M1AP: variants seen among roughly 807,000 people sequenced by gnomAD.
The protein encoded by M1AP is meiosis 1 associated protein.
Under a neutral mutation model 51.2 loss-of-function variants are expected in M1AP, and 39 were observed. The observed-to-expected ratio is 0.76, with a 90% CI of 0.59 to 1.00. M1AP has a LOEUF of 1.00. Ranked by LOEUF, M1AP falls within the 50% of genes least tolerant of loss-of-function variation. The pLI, the probability that M1AP is intolerant of heterozygous loss-of-function variation, is 0.00. For synonymous variants in M1AP, 251 were observed against 249.2 expected (o/e 1.01, Z -0.07); for missense variants, 545 against 641.2 (o/e 0.85, Z 1.62).
intron 1 of M1AP, among the ~76,000 whole-genome samples, chr2:74,642,265 TAATAA>T (rs1288653813): frequency 6.8e-6 from 1 of 147,942 alleles, no homozygotes; most frequent in Non-Finnish European, 1.5e-5. Flanking sequence ...AAATTGAAAC[TAATAA>T]TATACAAAAA....
At chr2:74,595,160 T>C (rs538906062) in intron 4 of M1AP, among the ~76,000 whole-genome samples, 5 of 151,906 alleles carry the variant, frequency 3.3e-5, no homozygotes, top group African/African-American at 4.8e-5. Flanking sequence ...GGACTACAGG[T>C]GTGCACCACC....
At chr2:74,593,754 T>C (rs577473776) in intron 4 of M1AP, among the ~76,000 whole-genome samples, 5 of 152,222 alleles carry the variant, frequency 3.3e-5, no homozygotes, top group Admixed American at 6.5e-5. Flanking sequence ...TGGAGAGGAG[T>C]TGAAACTTGG....
intron 5 of M1AP, 41 bp downstream of exon 5, chr2:74,581,632 TA>T (rs781519762): frequency 3.8e-6 from 6 of 1,586,280 alleles, no homozygotes; most frequent in Non-Finnish European, 5.2e-6. Context: ...TGATCCCAGA[TA>T]AGAATAATCA....
At chr2:74,564,508 C>T (rs1007674094) in intron 7 of M1AP, among the ~76,000 whole-genome samples, 1 of 152,212 alleles carries the variant, frequency 6.6e-6, no homozygotes, top group African/African-American at 2.4e-5. Context: ...ATCATAATTA[C>T]AAACTTTAAA....
intron 4 of M1AP, among the ~76,000 whole-genome samples, chr2:74,596,086 A>T (rs1680315383): frequency 6.6e-6 from 1 of 152,242 alleles, no homozygotes; most frequent in Non-Finnish European, 1.5e-5. Context: ...CAGGACAAAC[A>T]GAAAATAAAA....
At chr2:74,561,924 G>C in intron 8 of M1AP, 1 of 985,270 alleles carries the variant, frequency 1.0e-6, no homozygotes, top group Non-Finnish European at 1.2e-6. Context: ...TGTCCTCCAG[G>C]ATGGCTCTAA....
chr2:74,639,357 A>G (rs546377856), intron 2 of M1AP, among the ~76,000 whole-genome samples: 1 of 152,364 alleles, frequency 6.6e-6, no homozygotes, highest in South Asian at 2.1e-4. Context: ...GGCTACCTCA[A>G]GGAAGGAGAT....
Position 74,575,476 on chromosome 2 carries a change from T to A in M1AP, c.1036A>T (p.Asn346Tyr). The A allele has an allele frequency of 6.2e-7, 1 of 1,614,178 alleles. No homozygotes were observed. Among genetic ancestry groups the A allele is most frequent in the Non-Finnish European group, 8.5e-7 (1 of 1,180,026 alleles). The change falls in exon 7 of 11, where the codon AAT (asparagine) becomes TAT (tyrosine). Residue 346 changes from asparagine (N) to tyrosine (Y), a missense_variant. Physicochemically the swap from Asn to Tyr is moderately radical, Grantham distance 143. Transcript: ENST00000421985. ...WQLDWDELET[N>Y]QQHFHALCHS... ...CACAAAGCATGGAAATGTTGCTGAT[T>A]TGTCTCCAGCTCATCCCAGTCCAGC...
rs575473416 is a variant in M1AP, at chr2:74,614,072, G to A, written c.426+892C>T. On this transcript the variant is annotated intron_variant, in intron 3 of 10. Coordinates refer to ENST00000421985, the MANE Select transcript of M1AP (RefSeq NM_001321739.2). The stretch of plus-strand genomic sequence containing the variant: ...CAAAGTGCTGGGATTACAGGTGTGA[G>A]CCACAATGCTCATCCTCTCCTAGAA... 4.6e-5 allele frequency among the ~76,000 whole-genome samples: 7 copies of A among 152,298 alleles called. No individual in the cohort carries two copies. The East Asian group carries it at 1.2e-3, about 25-fold the overall frequency.
chr2:74,589,561 T>C (rs1431103785), intron 4 of M1AP, among the ~76,000 whole-genome samples: 1 of 152,252 alleles, frequency 6.6e-6, no homozygotes, highest in Admixed American at 6.5e-5. Flanking sequence ...AGCTATCAGC[T>C]TGTGTAAGGT....
chr2:74,604,733 T>C (rs548536239), intron 4 of M1AP, among the ~76,000 whole-genome samples: 4 of 152,330 alleles, frequency 2.6e-5, no homozygotes, highest in Non-Finnish European at 5.9e-5. Context: ...GTGGGTAACT[T>C]AGATTTACTT....
At chr2:74,643,590 CT>C (rs1161305967) in intron 1 of M1AP, among the ~76,000 whole-genome samples, 314 of 130,062 alleles carry the variant, frequency 2.4e-3, no homozygotes, top group Middle Eastern at 3.9e-3. Flanking sequence ...TGGTAATGTT[CT>C]TTTTTTTTTT....
At position 74,622,117 on chromosome 2, in the gene M1AP, C is replaced by T. The variant is rs182624387; in HGVS notation, c.241-6968G>A. On this transcript the variant is annotated intron_variant, in intron 2 of 10. Transcript: ENST00000421985. ...CCTGGGCCACACAGTGGGACTCCAT[C>T]TCAAAATTAAAAAAAAAGACAATAT... 8.0e-4 allele frequency among the ~76,000 whole-genome samples: 121 copies of T among 150,692 alleles called. No individual in the cohort carries two copies. The Middle Eastern group carries it at 0.01, about 13-fold the overall frequency.
At chr2:74,610,714 C>T (rs896321630) in intron 3 of M1AP, among the ~76,000 whole-genome samples, 1 of 152,172 alleles carries the variant, frequency 6.6e-6, no homozygotes, top group African/African-American at 2.4e-5. Flanking sequence ...TCCCAAAGTG[C>T]TGGGATTACA....
At chr2:74,576,406 C>T (rs1422181428) in intron 6 of M1AP, 50 bp downstream of exon 6, 1 of 1,589,174 alleles carries the variant, frequency 6.3e-7, no homozygotes. Context: ...AGCCACAGAA[C>T]CACTAAGAAT....
At chr2:74,586,403 C>A (rs1349388977) in intron 4 of M1AP, among the ~76,000 whole-genome samples, 1 of 152,214 alleles carries the variant, frequency 6.6e-6, no homozygotes, top group Admixed American at 6.5e-5. Flanking sequence ...TCCTGTAACT[C>A]TTGAGCTTCA....
Position 74,557,927 on chromosome 2 carries a change from G to GC in M1AP, c.*788_*789insG, listed in dbSNP as rs1553403772. 2 of 146,670 alleles carry GC rather than the reference G, an allele frequency of 1.4e-5. No individual in the cohort carries two copies. The highest frequency in any genetic ancestry group is 5.3e-5 in the African/African-American group (2 of 38,022). 9.1% of individuals were successfully genotyped at this position (146,670 alleles called of 1,614,324 possible). A position where few individuals can be genotyped will look rare whatever the true frequency, so the allele number is the denominator to read the frequency against. ...ATTATTTATGTAGAGATGGCGGGGG[G>GC]GTCTCACAGTGTTGCTCAGGCTGGT... On this transcript the variant is annotated 3_prime_UTR_variant, in exon 11 of 11. Coordinates refer to ENST00000421985, the MANE Select transcript of M1AP (RefSeq NM_001321739.2).
intron 4 of M1AP, among the ~76,000 whole-genome samples, chr2:74,590,016 G>T (rs1374833656): frequency 6.6e-6 from 1 of 152,208 alleles, no homozygotes; most frequent in Non-Finnish European, 1.5e-5. Context: ...TTGTTGGGTT[G>T]CATTCAAAGC....
intron 3 of M1AP, among the ~76,000 whole-genome samples, chr2:74,612,113 G>A (rs1220940099): frequency 1.3e-5 from 2 of 151,364 alleles, no homozygotes; most frequent in African/African-American, 4.9e-5. Flanking sequence ...GGATGGTCTC[G>A]ATCGCCTGAC....
Sources: allele counts gnomAD v4.1 joint callset (sites outside exome capture counted in the v4.1 genomes callset), GRCh38; gene constraint gnomAD v4.1.1; transcripts MANE v1.5; gene names NCBI Gene and HGNC (gene_info 2026-07-23, HGNC 2026-07-21).